ARHGEF7: variants seen among roughly 807,000 people sequenced by gnomAD.
ARHGEF7 encodes PAK-interacting exchange factor beta.
Under a neutral mutation model 109.8 loss-of-function variants are expected in ARHGEF7, and 33 were observed. The observed-to-expected ratio is 0.30, with a 90% CI of 0.23 to 0.40. The LOEUF is 0.40. Ranked by LOEUF, ARHGEF7 falls within the 10% of genes least tolerant of loss-of-function variation. The pLI is 1.00. For synonymous variants in ARHGEF7, 458 were observed against 424.6 expected (o/e 1.08, Z -0.97); for missense variants, 938 against 1,098.5 (o/e 0.85, Z 2.07).
chr13:111,153,568 C>G, intron 1 of ARHGEF7: 2 of 1,034,606 alleles, frequency 1.9e-6, no homozygotes, highest in Non-Finnish European at 2.4e-6. Flanking sequence ...GCAGGGTGGG[C>G]TGCGTCCGCG....
chr13:111,206,277 G>T (rs1377467251), intron 3 of ARHGEF7, among the ~76,000 whole-genome samples: 1 of 151,456 alleles, frequency 6.6e-6, no homozygotes, highest in East Asian at 2.0e-4. Flanking sequence ...GAGAGACGGG[G>T]GTTATGCATG....
intron 8 of ARHGEF7, among the ~76,000 whole-genome samples, chr13:111,253,466 A>C (rs1043776488): frequency 6.6e-6 from 1 of 152,166 alleles, no homozygotes; most frequent in Non-Finnish European, 1.5e-5. Flanking sequence ...TTTTATTCTT[A>C]CTTATTTTGA....
intron 12 of ARHGEF7, among the ~76,000 whole-genome samples, chr13:111,277,285 T>A (rs1166783311): frequency 1.3e-5 from 2 of 152,252 alleles, no homozygotes; most frequent in African/African-American, 4.8e-5. Flanking sequence ...AGGCTAATTG[T>A]GAGTCCAGGA....
At chr13:111,220,334 A>T (rs1250625198) in intron 5 of ARHGEF7, among the ~76,000 whole-genome samples, 1 of 152,230 alleles carries the variant, frequency 6.6e-6, no homozygotes, top group Non-Finnish European at 1.5e-5. Flanking sequence ...CGCTTGTTCC[A>T]GCTGGTCTTT....
intron 1 of ARHGEF7, among the ~76,000 whole-genome samples, chr13:111,124,348 G>C (rs925213852): frequency 6.6e-6 from 1 of 152,218 alleles, no homozygotes; most frequent in African/African-American, 2.4e-5. Context: ...TCTCGCCATG[G>C]GGCAGCCTGG....
At chr13:111,282,249 C>T (rs185708809) in intron 15 of ARHGEF7, among the ~76,000 whole-genome samples, 230 of 152,252 alleles carry the variant, frequency 1.5e-3, no homozygotes, top group African/African-American at 5.2e-3. Context: ...AATGCCGGCC[C>T]CACTCCGTTT....
Position 111,286,144 on chromosome 13 carries a change from T to C in ARHGEF7, c.1951-3T>C. 7 of 1,610,820 alleles carry C rather than the reference T, an allele frequency of 4.3e-6. No individual in the cohort carries two copies. Among genetic ancestry groups the C allele is most frequent in the Non-Finnish European group, 5.9e-6 (7 of 1,177,090 alleles). The stretch of plus-strand genomic sequence containing the variant: ...GTTAGCATTTTCTTTTGTCTTTCCC[T>C]AGGATCTTAGTAAGAGCCCTAAGAC... On this transcript the variant is annotated splice_polypyrimidine_tract_variant and splice_region_variant and intron_variant, in intron 16 of 21. Coordinates refer to ENST00000646102, the MANE Select transcript of ARHGEF7 (RefSeq NM_001354046.2).
At chr13:111,231,383 G>T (rs1214896797) in intron 5 of ARHGEF7, among the ~76,000 whole-genome samples, 1 of 152,160 alleles carries the variant, frequency 6.6e-6, no homozygotes, top group Non-Finnish European at 1.5e-5. Flanking sequence ...TTTCCATCCT[G>T]TGGGCAGAGA....
intron 9 of ARHGEF7, among the ~76,000 whole-genome samples, chr13:111,267,975 A>G (rs894935971): frequency 6.6e-6 from 1 of 152,232 alleles, no homozygotes; most frequent in African/African-American, 2.4e-5. Context: ...TCCTGGAATC[A>G]TATTTCAGTT....
chr13:111,221,490 G>GAT (rs1347283968), intron 5 of ARHGEF7, among the ~76,000 whole-genome samples: 2 of 37,566 alleles, frequency 5.3e-5, no homozygotes, highest in African/African-American at 1.8e-4. Flanking sequence ...GATATATATA[G>GAT]ACATATATAT....
intron 8 of ARHGEF7, among the ~76,000 whole-genome samples, chr13:111,252,637 A>G (rs2089921746): frequency 6.6e-6 from 1 of 152,254 alleles, no homozygotes; most frequent in African/African-American, 2.4e-5. Context: ...AAATATGTAC[A>G]GTGAACTTCC....
intron 8 of ARHGEF7, among the ~76,000 whole-genome samples, chr13:111,262,308 T>C (rs2091179372): frequency 6.6e-6 from 1 of 152,202 alleles, no homozygotes; most frequent in African/African-American, 2.4e-5. Flanking sequence ...TGTGAACAAC[T>C]GTATGCCAGT....
chr13:111,296,172 A>G (rs1167814950), intron 19 of ARHGEF7, among the ~76,000 whole-genome samples: 1 of 151,384 alleles, frequency 6.6e-6, no homozygotes, highest in Non-Finnish European at 1.5e-5. Context: ...CATCTCGTCT[A>G]TGAAATGGAA....
chr13:111,241,378 A>G (rs1566935230), intron 6 of ARHGEF7: 2 of 1,533,730 alleles, frequency 1.3e-6, no homozygotes, highest in Non-Finnish European at 1.7e-6. Flanking sequence ...CAGGAAGGCC[A>G]GCAACCTCCT....
At chr13:111,270,494 CTG>C (rs1242643679) in intron 9 of ARHGEF7, among the ~76,000 whole-genome samples, 1 of 151,780 alleles carries the variant, frequency 6.6e-6, no homozygotes, top group African/African-American at 2.4e-5. Flanking sequence ...TCCTTTTTAA[CTG>C]TATTTGTTCT....
At chr13:111,293,013 C>T in intron 19 of ARHGEF7, 3 of 985,480 alleles carry the variant, frequency 3.0e-6, no homozygotes, top group Non-Finnish European at 3.6e-6. Flanking sequence ...AAAGGCAGAG[C>T]TTACTGTCAT....
At chr13:111,292,874 G>A (rs752362579) in intron 19 of ARHGEF7, 537 of 989,054 alleles carry the variant, frequency 5.4e-4, no homozygotes, top group Non-Finnish European at 6.2e-4. Context: ...AGAACAGCAT[G>A]TGGGCTCTGG....
chr13:111,114,746 G>A (rs1419737781), upstream of ARHGEF7: 1 of 152,304 alleles, frequency 6.6e-6, no homozygotes, highest in African/African-American at 2.4e-5. Flanking sequence ...CTAGAGCAGA[G>A]TCGCGCAGGC....
At chr13:111,181,324 TGA>T (rs2078712272) in intron 2 of ARHGEF7, among the ~76,000 whole-genome samples, 1 of 152,192 alleles carries the variant, frequency 6.6e-6, no homozygotes, top group Non-Finnish European at 1.5e-5. Context: ...ATCCCTTTGC[TGA>T]GAGAAGACCT....
Sources: gnomAD v4.1 joint callset for allele counts (sites outside exome capture counted in the v4.1 genomes callset) on GRCh38, gnomAD v4.1.1 for gene constraint, MANE v1.5 for transcripts, NCBI Gene and HGNC (gene_info 2026-07-23, HGNC 2026-07-21) for gene names.